RIMS2: variants seen among roughly 807,000 people sequenced by gnomAD.
RIMS2 encodes regulating synaptic membrane exocytosis protein 2.
Under a neutral mutation model 174.4 loss-of-function variants are expected in RIMS2, and 59 were observed. The ratio of observed to expected loss-of-function variants is 0.34; its 90% CI spans 0.27 to 0.42. The LOEUF (loss-of-function observed/expected upper bound fraction) is 0.42. Ranked by LOEUF, RIMS2 falls within the 10% of genes least tolerant of loss-of-function variation. RIMS2 has a pLI of 1.00. For synonymous variants in RIMS2, 606 were observed against 572.5 expected (o/e 1.06, Z -0.84); for missense variants, 1,620 against 1,666.3 (o/e 0.97, Z 0.48).
chr8:103,799,582 G>A (rs2098590501), intron 3 of RIMS2, among the ~76,000 whole-genome samples: 1 of 152,064 alleles, frequency 6.6e-6, no homozygotes, highest in South Asian at 2.1e-4. Flanking sequence ...TAGTGCTTAA[G>A]GATTTGTGAT....
intron 1 of RIMS2, among the ~76,000 whole-genome samples, chr8:103,541,640 ACAGT>A (rs1412978000): frequency 3.3e-5 from 5 of 152,368 alleles, no homozygotes; most frequent in Admixed American, 6.5e-5. Context: ...AAGTAAGTAC[ACAGT>A]CAGATTCAGA....
chr8:103,883,438 C>A (rs1405462063), intron 3 of RIMS2, among the ~76,000 whole-genome samples: 8 of 151,596 alleles, frequency 5.3e-5, no homozygotes, highest in African/African-American at 1.5e-4. Flanking sequence ...CACACATATA[C>A]ACAGAAACAT....
At chr8:104,197,825 A>C (rs1483960818) in intron 19 of RIMS2, among the ~76,000 whole-genome samples, 2 of 152,044 alleles carry the variant, frequency 1.3e-5, no homozygotes, top group Non-Finnish European at 2.9e-5. Flanking sequence ...TTTTGTTCTA[A>C]GTCTGATTTC....
At chr8:103,977,430 C>G (rs969006655) in intron 16 of RIMS2, 1 of 152,094 alleles carries the variant, frequency 6.6e-6, no homozygotes, top group Non-Finnish European at 1.5e-5. Context: ...GAACCCTTCC[C>G]TCCTCTAGGA....
intron 1 of RIMS2, among the ~76,000 whole-genome samples, chr8:103,668,344 CA>C (rs1219455411): frequency 4.6e-5 from 7 of 152,160 alleles, no homozygotes; most frequent in African/African-American, 1.7e-4. Flanking sequence ...AGGAATGTCC[CA>C]TGAGGGAAAT....
At chr8:104,058,916 G>A (rs202133687) in intron 19 of RIMS2, among the ~76,000 whole-genome samples, 11 of 152,154 alleles carry the variant, frequency 7.2e-5, no homozygotes, top group Admixed American at 1.3e-4. Context: ...CTGTTCTGTT[G>A]CATTGGTCTA....
At chr8:103,893,074 A>G (rs1000863860) in intron 4 of RIMS2, among the ~76,000 whole-genome samples, 2 of 152,102 alleles carry the variant, frequency 1.3e-5, no homozygotes, top group Admixed American at 6.6e-5. Context: ...GAAATAGCAG[A>G]TAAGTTGGGT....
chr8:104,054,768 A>T (rs1397632855), intron 19 of RIMS2, among the ~76,000 whole-genome samples: 1 of 152,110 alleles, frequency 6.6e-6, no homozygotes, highest in Non-Finnish European at 1.5e-5. Context: ...AAGTATCAAA[A>T]ATTTTATTTT....
chr8:104,172,798 C>T (rs572361366), intron 19 of RIMS2, among the ~76,000 whole-genome samples: 18 of 152,128 alleles, frequency 1.2e-4, no homozygotes, highest in Admixed American at 1.3e-4. Flanking sequence ...AATAGATTCC[C>T]AAACATCTTC....
At chr8:103,619,759 A>G (rs2095592393) in intron 1 of RIMS2, among the ~76,000 whole-genome samples, 1 of 152,102 alleles carries the variant, frequency 6.6e-6, no homozygotes, top group Non-Finnish European at 1.5e-5. Flanking sequence ...ACTCAAAGCT[A>G]CCACTACTAC....
At chr8:103,510,399 A>C (rs984052198) in intron 1 of RIMS2, among the ~76,000 whole-genome samples, 2 of 152,158 alleles carry the variant, frequency 1.3e-5, no homozygotes, top group African/African-American at 4.8e-5. Context: ...AGAATTAATT[A>C]ATACTTCTAT....
chr8:104,092,172 CT>C, intron 19 of RIMS2, among the ~76,000 whole-genome samples: 1 of 151,776 alleles, frequency 6.6e-6, no homozygotes, highest in Non-Finnish European at 1.5e-5. Context: ...TGTTTATGCT[CT>C]GTTGCCACTC....
chr8:103,711,177 C>A (rs1228546261), intron 2 of RIMS2, among the ~76,000 whole-genome samples: 1 of 152,186 alleles, frequency 6.6e-6, no homozygotes, highest in Non-Finnish European at 1.5e-5. Flanking sequence ...CATTCCTCAG[C>A]CTTACCTATT....
At chr8:103,995,828 A>G (rs1306941402) in intron 17 of RIMS2, among the ~76,000 whole-genome samples, 1 of 151,918 alleles carries the variant, frequency 6.6e-6, no homozygotes, top group Non-Finnish European at 1.5e-5. Context: ...GTTTCAATAG[A>G]CATAGTAAAC....
At chr8:104,083,771 A>G (rs1395295908) in intron 19 of RIMS2, among the ~76,000 whole-genome samples, 3 of 152,166 alleles carry the variant, frequency 2.0e-5, no homozygotes, top group African/African-American at 4.8e-5. Flanking sequence ...TATTATTAAT[A>G]TATGTAAGGG....
intron 14 of RIMS2, among the ~76,000 whole-genome samples, chr8:103,950,751 T>A (rs1166698717): frequency 1.3e-5 from 2 of 152,182 alleles, no homozygotes; most frequent in Admixed American, 6.5e-5. Context: ...CAGCTGTTAT[T>A]GAAAGTTGTA....
chr8:103,788,047 T>C (rs1484118132), intron 3 of RIMS2, among the ~76,000 whole-genome samples: 3 of 151,306 alleles, frequency 2.0e-5, no homozygotes, highest in Non-Finnish European at 4.4e-5. Context: ...ATACCCTTTC[T>C]TCCAGTTGAT....
chr8:103,760,475 A>C (rs1293116418), intron 2 of RIMS2, among the ~76,000 whole-genome samples: 1 of 152,246 alleles, frequency 6.6e-6, no homozygotes, highest in Non-Finnish European at 1.5e-5. Context: ...TCTACTTTCA[A>C]AATCCACCAT....
chr8:104,182,042 A>AAT (rs973618656), intron 19 of RIMS2, among the ~76,000 whole-genome samples: 1 of 151,746 alleles, frequency 6.6e-6, no homozygotes, highest in African/African-American at 2.4e-5. Flanking sequence ...TCCTTATGGA[A>AAT]ATATTTTATA....
Sources: gnomAD v4.1 joint callset for allele counts (sites outside exome capture counted in the v4.1 genomes callset) on GRCh38, gnomAD v4.1.1 for gene constraint, MANE v1.5 for transcripts, NCBI Gene and HGNC (gene_info 2026-07-23, HGNC 2026-07-21) for gene names.